PIK3C2G: variants seen among roughly 807,000 people sequenced by gnomAD.
PIK3C2G encodes the protein phosphatidylinositol-4-phosphate 3-kinase catalytic subunit type 2 gamma, also known as phosphatidylinositol 3-kinase C2 domain-containing subunit gamma.
PIK3C2G carries 168 observed loss-of-function variants against 181.1 expected under a neutral mutation model. The ratio of observed to expected loss-of-function variants is 0.93; its 90% CI spans 0.82 to 1.05. PIK3C2G has a LOEUF of 1.05. PIK3C2G is among the 50% of genes least tolerant of loss of function. The pLI, the probability that PIK3C2G is intolerant of heterozygous loss-of-function variation, is 0.00. For missense variants in PIK3C2G, 1,869 were observed against 1,732.8 expected (o/e 1.08, Z -1.40); for synonymous variants, 573 against 592.2 (o/e 0.97, Z 0.47).
chr12:18,698,037 G>A, the PIK3C2G span, among the ~76,000 whole-genome samples: 1 of 151,266 alleles, frequency 6.6e-6, no homozygotes, highest in African/African-American at 2.5e-5. Context: ...AATTTATGCT[G>A]TGCCTACAGG....
intron 14 of PIK3C2G, among the ~76,000 whole-genome samples, chr12:18,386,456 A>G (rs1003332632): frequency 1.1e-4 from 17 of 152,176 alleles, no homozygotes; most frequent in East Asian, 5.8e-4. Context: ...TATTCCCCCA[A>G]TCCTAAGCAA....
chr12:18,500,655 A>C (rs1030183981), intron 22 of PIK3C2G, among the ~76,000 whole-genome samples: 1 of 152,104 alleles, frequency 6.6e-6, no homozygotes, highest in African/African-American at 2.4e-5. Context: ...AGGGATTGTA[A>C]ATGCACCAAT....
intron 31 of PIK3C2G, among the ~76,000 whole-genome samples, chr12:18,633,755 C>T (rs1193186227): frequency 2.6e-5 from 4 of 152,176 alleles, no homozygotes; most frequent in African/African-American, 9.7e-5. Context: ...GCTTGAAGAG[C>T]TCAGAGTGGC....
the PIK3C2G span, among the ~76,000 whole-genome samples, chr12:18,706,304 T>C: frequency 6.6e-6 from 1 of 151,222 alleles, no homozygotes; most frequent in Admixed American, 6.6e-5. Context: ...ATCTACGGGT[T>C]TATGAAGAAA....
At chr12:18,504,653 C>T (rs961657678) in intron 23 of PIK3C2G, among the ~76,000 whole-genome samples, 14 of 152,236 alleles carry the variant, frequency 9.2e-5, no homozygotes, top group African/African-American at 2.4e-4. Context: ...TCATTTTGGA[C>T]GCAAAGTGTA....
chr12:18,431,695 C>G (rs1428015877), intron 18 of PIK3C2G, among the ~76,000 whole-genome samples: 1 of 152,160 alleles, frequency 6.6e-6, no homozygotes, highest in African/African-American at 2.4e-5. Flanking sequence ...GCTTTAAAGC[C>G]TCAGCCCTTT....
intron 23 of PIK3C2G, among the ~76,000 whole-genome samples, chr12:18,504,246 G>A (rs1390645842): frequency 1.3e-5 from 2 of 152,150 alleles, no homozygotes; most frequent in African/African-American, 4.8e-5. Context: ...ATAACATTGT[G>A]TTGGAGCAAA....
At chr12:18,303,791 G>T (rs1322600624) in intron 5 of PIK3C2G, among the ~76,000 whole-genome samples, 1 of 152,112 alleles carries the variant, frequency 6.6e-6, no homozygotes, top group Non-Finnish European at 1.5e-5. Context: ...AATGCCTCCT[G>T]AGTAAATACT....
intron 31 of PIK3C2G, among the ~76,000 whole-genome samples, chr12:18,634,058 T>C (rs147664251): frequency 2.4e-4 from 37 of 152,298 alleles, no homozygotes; most frequent in Middle Eastern, 6.8e-3. Flanking sequence ...TGTAGAATCT[T>C]GCTGCAGCCT....
At chr12:18,545,111 G>T (rs1944355003) in intron 25 of PIK3C2G, among the ~76,000 whole-genome samples, 5 of 151,692 alleles carry the variant, frequency 3.3e-5, no homozygotes, top group Admixed American at 2.6e-4. Flanking sequence ...AATCCTTAAT[G>T]TTGCCAGAAT....
intron 30 of PIK3C2G, among the ~76,000 whole-genome samples, chr12:18,595,047 G>C (rs1377754336): frequency 6.6e-6 from 1 of 151,998 alleles, no homozygotes; most frequent in African/African-American, 2.4e-5. Context: ...AGTGACAAAA[G>C]ATTTGATTCT....
At chr12:18,554,182 T>G (rs1194787195) in intron 26 of PIK3C2G, among the ~76,000 whole-genome samples, 5 of 152,116 alleles carry the variant, frequency 3.3e-5, no homozygotes, top group Non-Finnish European at 7.4e-5. Context: ...GTTTATTTCT[T>G]GCATAATGAG....
chr12:18,685,238 T>C, the PIK3C2G span, among the ~76,000 whole-genome samples: 869 of 152,086 alleles, frequency 5.7e-3, 10 homozygotes, highest in Middle Eastern at 6.8e-3. Context: ...TGAATTTCAA[T>C]CTCTAAGAAA....
intron 26 of PIK3C2G, 134 bp downstream of exon 26, chr12:18,546,566 TC>T: frequency 1.6e-6 from 1 of 617,022 alleles, no homozygotes; most frequent in South Asian, 1.9e-5. Context: ...GTGTTCCCTT[TC>T]CCAAAGAGCA....
chr12:18,332,688 T>G (rs1938104988), intron 8 of PIK3C2G, among the ~76,000 whole-genome samples: 1 of 152,064 alleles, frequency 6.6e-6, no homozygotes, highest in South Asian at 2.1e-4. Flanking sequence ...GACAAGACTA[T>G]TTTGCTTTTT....
chr12:18,340,373 A>G (rs975477553), intron 9 of PIK3C2G, among the ~76,000 whole-genome samples: 3 of 152,180 alleles, frequency 2.0e-5, no homozygotes, highest in African/African-American at 7.2e-5. Flanking sequence ...CCTCGGCCAC[A>G]TGTGGCCCAC....
At chr12:18,270,318 C>T (rs925476041) in intron 1 of PIK3C2G, among the ~76,000 whole-genome samples, 2 of 152,110 alleles carry the variant, frequency 1.3e-5, no homozygotes, top group African/African-American at 4.8e-5. Flanking sequence ...TACTAATTTA[C>T]TCAGAGTCAT....
At chr12:18,491,636 CA>C in intron 20 of PIK3C2G, 78 bp downstream of exon 20, 1 of 768,568 alleles carries the variant, frequency 1.3e-6, no homozygotes, top group Non-Finnish European at 2.1e-6. Context: ...TTTGAAATGG[CA>C]AAAAGAATTC....
chr12:18,618,244 C>A (rs528701067), intron 31 of PIK3C2G, among the ~76,000 whole-genome samples: 3 of 152,064 alleles, frequency 2.0e-5, no homozygotes, highest in East Asian at 3.9e-4. Context: ...ACTGAAAGAA[C>A]CAAGAAACGT....
Sources: allele counts gnomAD v4.1 joint callset (sites outside exome capture counted in the v4.1 genomes callset), GRCh38; gene constraint gnomAD v4.1.1; transcripts MANE v1.5; gene names NCBI Gene and HGNC (gene_info 2026-07-23, HGNC 2026-07-21).